CCL26: variants seen among roughly 807,000 people sequenced by gnomAD.
CCL26 encodes the protein C-C motif chemokine ligand 26, also known as C-C motif chemokine 26.
A neutral mutation model predicts 10.7 loss-of-function variants in CCL26; 10 were observed. That is an observed-to-expected ratio of 0.93 (90% CI 0.57 to 1.58). CCL26 has a LOEUF of 1.58. Among genes scored for constraint, CCL26 ranks in the 40% most tolerant of loss-of-function variants. CCL26 has a pLI of 0.00. For missense variants in CCL26, 116 were observed against 111.0 expected (o/e 1.05, Z -0.20); for synonymous variants, 43 against 41.4 (o/e 1.04, Z -0.15).
At chr7:75,774,125 A>G (rs1376734730), upstream of CCL26, among the ~76,000 whole-genome samples, 1 of 152,140 alleles carries the variant, frequency 6.6e-6, no homozygotes, top group East Asian at 1.9e-4. Context: ...AACAGTCTGG[A>G]TGATCATGAG....
upstream of CCL26, among the ~76,000 whole-genome samples, chr7:75,791,587 G>A (rs1172029185): frequency 6.6e-6 from 1 of 152,034 alleles, no homozygotes; most frequent in Non-Finnish European, 1.5e-5. Context: ...GCCTCTCAAA[G>A]TGCTGGGATT....
At chr7:75,775,709 C>A (rs1035001349), upstream of CCL26, among the ~76,000 whole-genome samples, 1 of 152,152 alleles carries the variant, frequency 6.6e-6, no homozygotes, top group Non-Finnish European at 1.5e-5. Flanking sequence ...CAGGAAGAGT[C>A]CCCAGGAAGT....
At chr7:75,770,640 C>T (rs1190472996) in intron 2 of CCL26, among the ~76,000 whole-genome samples, 1 of 152,006 alleles carries the variant, frequency 6.6e-6, no homozygotes, top group Non-Finnish European at 1.5e-5. Flanking sequence ...CTCAGCCTCC[C>T]AAAGTGCTGG....
chr7:75,783,299 G>GT (rs1369235257), intron 1 of CCL26, among the ~76,000 whole-genome samples: 4 of 152,160 alleles, frequency 2.6e-5, no homozygotes, highest in African/African-American at 7.2e-5. Flanking sequence ...ACAGGAAAGA[G>GT]TTTTTTCTCT....
chr7:75,786,632 C>T (rs1417868406), intron 1 of CCL26, among the ~76,000 whole-genome samples: 3 of 152,106 alleles, frequency 2.0e-5, no homozygotes, highest in Non-Finnish European at 4.4e-5. Flanking sequence ...CATCAGATCC[C>T]GTAGCTCAGG....
chr7:75,772,170 C>CCAT lies in CCL26; in HGVS notation c.4_6dup (p.Met2dup). The stretch of plus-strand genomic sequence containing the variant: ...AGCACAGCAGAGGCCAAGGAGAGGC[C>CCAT]CATCATGATGCTGCAAATCAGGCCC... On this transcript the variant is annotated inframe_insertion, in exon 1 of 3. Transcript: ENST00000005180. 1 of 1,551,018 alleles carries CCAT rather than the reference C, an allele frequency of 6.4e-7. No individual in the cohort carries two copies. The highest frequency in any genetic ancestry group is 8.7e-7 in the Non-Finnish European group (1 of 1,147,062).
chr7:75,769,637 A>C lies in CCL26; in HGVS notation c.*56T>G. On this transcript the variant is annotated 3_prime_UTR_variant, in exon 3 of 3. Transcript: ENST00000005180. ...AGAAAAGATTCCGCAGGCTCCCCAGAGGGCTGCAGAGCCAAGAGCGGGGTC... is the reference window on the plus strand; with the variant it reads ...AGAAAAGATTCCGCAGGCTCCCCAGCGGGCTGCAGAGCCAAGAGCGGGGTC... 1 of 1,152,978 alleles carries C rather than the reference A, an allele frequency of 8.7e-7. No individual in the cohort carries two copies. Among genetic ancestry groups the C allele is most frequent in the Non-Finnish European group, 1.3e-6 (1 of 761,968 alleles). The allele number at this position is 1,152,978 out of a possible 1,614,324, so 71.4% of individuals were successfully genotyped here.
chr7:75,771,232 G>T (rs1315263234), intron 2 of CCL26, among the ~76,000 whole-genome samples: 1 of 151,984 alleles, frequency 6.6e-6, no homozygotes, highest in Non-Finnish European at 1.5e-5. Context: ...CCAATTTAAA[G>T]GCTATAATTA....
chr7:75,776,636 A>T (rs1353367447), upstream of CCL26, among the ~76,000 whole-genome samples: 1 of 152,060 alleles, frequency 6.6e-6, no homozygotes, highest in South Asian at 2.1e-4. Flanking sequence ...AAAAAGAAAG[A>T]TAATGGCTGA....
At chr7:75,786,121 C>CA (rs1554529966) in intron 1 of CCL26, among the ~76,000 whole-genome samples, 1 of 152,200 alleles carries the variant, frequency 6.6e-6, no homozygotes, top group African/African-American at 2.4e-5. Flanking sequence ...GAGTCTCCCA[C>CA]AATTACCATT....
intron 1 of CCL26, among the ~76,000 whole-genome samples, chr7:75,784,492 A>T (rs1295483574): frequency 1.3e-5 from 2 of 152,060 alleles, no homozygotes; most frequent in African/African-American, 4.8e-5. Context: ...CCCCTTCTTA[A>T]TCAATACAGA....
intron 1 of CCL26, among the ~76,000 whole-genome samples, chr7:75,785,163 T>C (rs1171261953): frequency 6.6e-5 from 10 of 152,064 alleles, no homozygotes; most frequent in African/African-American, 2.4e-4. Context: ...ACTATTTTGT[T>C]CTTGATCTTA....
intron 1 of CCL26, among the ~76,000 whole-genome samples, chr7:75,778,805 C>T (rs553902891): frequency 8.6e-5 from 13 of 150,908 alleles, no homozygotes; most frequent in South Asian, 4.2e-4. Flanking sequence ...ATGCCGGGCA[C>T]GGTGGCTCAT....
upstream of CCL26, among the ~76,000 whole-genome samples, chr7:75,774,383 A>G (rs1802890152): frequency 6.6e-6 from 1 of 152,132 alleles, no homozygotes; most frequent in Admixed American, 6.6e-5. Context: ...TCCTGACCTC[A>G]AGTGATCCAC....
chr7:75,772,073 A>G (rs1009057797), intron 1 of CCL26, 31 bp downstream of exon 1: 6 of 1,605,604 alleles, frequency 3.7e-6, no homozygotes, highest in Non-Finnish European at 5.1e-6. Context: ...CCGGGAAGGA[A>G]CCCCAGGAGG....
upstream of CCL26, among the ~76,000 whole-genome samples, chr7:75,773,802 G>A (rs1554528429): frequency 6.6e-6 from 1 of 151,920 alleles, no homozygotes; most frequent in African/African-American, 2.4e-5. Flanking sequence ...AGAGTCACTT[G>A]AACCTGGGGG....
intron 1 of CCL26, among the ~76,000 whole-genome samples, chr7:75,786,547 C>T (rs782619776): frequency 9.2e-5 from 14 of 152,088 alleles, no homozygotes; most frequent in Non-Finnish European, 1.6e-4. Flanking sequence ...TCATTAATGC[C>T]TCTTTAATAA....
intron 1 of CCL26, among the ~76,000 whole-genome samples, chr7:75,788,076 T>A (rs1803242979): frequency 6.6e-6 from 1 of 151,916 alleles, no homozygotes; most frequent in Non-Finnish European, 1.5e-5. Context: ...GCCCATTATC[T>A]CTCCATACCA....
At chr7:75,780,563 C>T (rs13241898) in intron 1 of CCL26, among the ~76,000 whole-genome samples, 1 of 152,190 alleles carries the variant, frequency 6.6e-6, no homozygotes, top group African/African-American at 2.4e-5. Flanking sequence ...TTCCATCCTT[C>T]AAGATCTAGA....
Sources: allele counts gnomAD v4.1 joint callset (sites outside exome capture counted in the v4.1 genomes callset), GRCh38; gene constraint gnomAD v4.1.1; transcripts MANE v1.5; gene names NCBI Gene and HGNC (gene_info 2026-07-23, HGNC 2026-07-21).